The following PACS1 variants were observed in gnomAD, a reference collection of about 807,000 sequenced individuals.
The protein encoded by PACS1 is phosphofurin acidic cluster sorting protein 1, also known as PACS-1.
Under a neutral mutation model 115.0 loss-of-function variants are expected in PACS1, and 24 were observed. The observed-to-expected ratio is 0.21, with a 90% CI of 0.15 to 0.29. The LOEUF (loss-of-function observed/expected upper bound fraction) is 0.29, where lower values mean the gene tolerates loss of function less well. Ranked by LOEUF, PACS1 falls within the 10% of genes least tolerant of loss-of-function variation. PACS1 has a pLI of 1.00. For synonymous variants in PACS1, 453 were observed against 504.5 expected, an observed-to-expected ratio of 0.90 and a Z score of 1.37; for missense variants, 838 against 1,251.2, an observed-to-expected ratio of 0.67 and a Z score of 4.98.
intron 2 of PACS1, among the ~76,000 whole-genome samples, chr11:66,203,036 A>G (rs1414597548): frequency 6.6e-6 from 1 of 152,008 alleles, no homozygotes; most frequent in Non-Finnish European, 1.5e-5. Flanking sequence ...AGAAAGAAAT[A>G]AAGGCATCCA....
rs188958036 is a variant in PACS1, at chr11:66,082,363, C to A, written c.356+11521C>A. On this transcript the variant is annotated intron_variant, in intron 1 of 23. Coordinates refer to ENST00000320580, the MANE Select transcript of PACS1 (RefSeq NM_018026.4). ...CCTCAGTCTTCCAAGTAAAGGTCCA[C>A]ATCACCATACCCGGCTAATTTTTAA... Among the ~76,000 whole-genome samples, 23 of 152,178 alleles carry A rather than the reference C, an allele frequency of 1.5e-4. 1 individual carries two copies. In the East Asian group the frequency reaches 4.4e-3, roughly 29 times the overall value.
chr11:66,219,878 C>A, intron 8 of PACS1, 73 bp downstream of exon 8: 1 of 1,028,970 alleles, frequency 9.7e-7, no homozygotes, highest in Non-Finnish European at 1.5e-6. Flanking sequence ...CTGGAGTACA[C>A]TCTGTATTGC....
intron 1 of PACS1, chr11:66,100,727 A>G (rs191493423): frequency 2.2e-6 from 1 of 451,200 alleles, no homozygotes; most frequent in African/African-American, 2.0e-5. Flanking sequence ...AAGTTGGAGC[A>G]TCCAGGGGCG....
At chr11:66,093,244 T>C (rs1287829257) in intron 1 of PACS1, among the ~76,000 whole-genome samples, 1 of 152,160 alleles carries the variant, frequency 6.6e-6, no homozygotes, top group African/African-American at 2.4e-5. Flanking sequence ...CCCGTGTAAG[T>C]TGGATTCCTA....
chr11:66,118,617 TATAA>T (rs1322698400), intron 1 of PACS1, among the ~76,000 whole-genome samples: 3 of 151,292 alleles, frequency 2.0e-5, no homozygotes, highest in Non-Finnish European at 4.4e-5. Context: ...GTCTCTAAAA[TATAA>T]ATAAATAAAA....
chr11:66,096,209 CTTTTTTTTTTTTTT>C (rs66569530), intron 1 of PACS1, among the ~76,000 whole-genome samples: 106 of 119,398 alleles, frequency 8.9e-4, no homozygotes, highest in Non-Finnish European at 8.1e-4. Context: ...CTTTTTCTTT[CTTTTTTTTTTTTTT>C]TTTTTTTTTT....
At chr11:66,220,213 G>A (rs1390393587) in intron 8 of PACS1, 6 of 299,216 alleles carry the variant, frequency 2.0e-5, no homozygotes, top group Non-Finnish European at 2.5e-5. Flanking sequence ...GGGCTGCTGA[G>A]AGAGAAGCAG....
intron 1 of PACS1, among the ~76,000 whole-genome samples, chr11:66,154,094 C>A (rs1859303074): frequency 6.6e-6 from 1 of 152,158 alleles, no homozygotes; most frequent in Non-Finnish European, 1.5e-5. Flanking sequence ...GGGTCAGTAT[C>A]TTACAGAGCT....
chr11:66,205,017 T>C (rs1854901810), intron 2 of PACS1, among the ~76,000 whole-genome samples: 1 of 151,898 alleles, frequency 6.6e-6, no homozygotes, highest in Non-Finnish European at 1.5e-5. Flanking sequence ...GGAGTTTCAC[T>C]CTTGTTGCCT....
intron 1 of PACS1, among the ~76,000 whole-genome samples, chr11:66,134,816 A>C (rs1049386103): frequency 3.3e-5 from 5 of 152,080 alleles, no homozygotes; most frequent in African/African-American, 1.2e-4. Context: ...ACTCACTTTT[A>C]TTCTGTCTTG....
intron 1 of PACS1, among the ~76,000 whole-genome samples, chr11:66,151,013 G>A (rs1859222913): frequency 6.6e-6 from 1 of 152,118 alleles, no homozygotes; most frequent in East Asian, 1.9e-4. Context: ...TGGAAGACAA[G>A]CTGGAAAGTT....
intron 1 of PACS1, among the ~76,000 whole-genome samples, chr11:66,074,817 G>T (rs1047657969): frequency 6.6e-6 from 1 of 152,090 alleles, no homozygotes; most frequent in African/African-American, 2.4e-5. Context: ...AAAACGCTTG[G>T]GGGCATTTGC....
Position 66,201,661 on chromosome 11 carries a change from TG to T in PACS1, c.444+8089del, listed in dbSNP as rs201453235. Among the ~76,000 whole-genome samples, 213 of 149,288 alleles carry T rather than the reference TG, an allele frequency of 1.4e-3. 7 individuals carry two copies. The highest frequency in any genetic ancestry group is 5.5e-3 in the East Asian group (28 of 5,082). On this transcript the variant is annotated intron_variant, in intron 2 of 23. Coordinates refer to ENST00000320580, the MANE Select transcript of PACS1 (RefSeq NM_018026.4). The stretch of plus-strand genomic sequence containing the variant: ...AACAAAACAAAATGTTTTGGGTTTT[TG>T]TTTTTTTTTTTTCTGAGACGGAGTT...
intron 17 of PACS1, among the ~76,000 whole-genome samples, chr11:66,234,973 GA>G (rs1156426897): frequency 6.6e-6 from 1 of 152,218 alleles, no homozygotes; most frequent in Non-Finnish European, 1.5e-5. Context: ...GCGCAACTGA[GA>G]AGGAGGTGAT....
intron 10 of PACS1, among the ~76,000 whole-genome samples, chr11:66,226,130 C>T (rs544315022): frequency 6.6e-6 from 1 of 152,272 alleles, no homozygotes; most frequent in South Asian, 2.1e-4. Flanking sequence ...CAAGATTGCA[C>T]CACTACACCC....
chr11:66,181,828 T>C (rs1860019404), intron 1 of PACS1, among the ~76,000 whole-genome samples: 1 of 152,146 alleles, frequency 6.6e-6, no homozygotes. Flanking sequence ...CTGAGACACA[T>C]GTACTAATGG....
chr11:66,227,767 A>G (rs1855496725), intron 11 of PACS1, among the ~76,000 whole-genome samples, 183 bp downstream of exon 11: 1 of 152,222 alleles, frequency 6.6e-6, no homozygotes. Flanking sequence ...TACCTGGTGT[A>G]GACACCAGGT....
chr11:66,108,314 A>G (rs1858100137), intron 1 of PACS1, among the ~76,000 whole-genome samples: 1 of 152,106 alleles, frequency 6.6e-6, no homozygotes. Context: ...TCTTCCTTTA[A>G]TAAGGATGCC....
Position 66,233,755 on chromosome 11 carries a change from C to A in PACS1, c.1839-30C>A. 1 of 1,600,852 alleles carries A rather than the reference C, an allele frequency of 6.2e-7. No individual in the cohort carries two copies. The highest frequency in any genetic ancestry group is 1.1e-5 in the South Asian group (1 of 89,082). ...CGGGCAGGATCCTGGCACCCCTGAG[C>A]ACTGCTATGACGCTCCCCTTCCTCC... On this transcript the variant is annotated intron_variant, in intron 15 of 23. Transcript: ENST00000320580. The surrounding 1 kb of genome is among the most constrained non-coding windows in gnomAD (Gnocchi z 4.5).
Sources: gnomAD v4.1 joint callset for allele counts (sites outside exome capture counted in the v4.1 genomes callset) on GRCh38, gnomAD v4.1.1 for gene constraint, Gnocchi (gnomAD v3.1) non-coding constraint, MANE v1.5 for transcripts, NCBI Gene and HGNC (gene_info 2026-07-23, HGNC 2026-07-21) for gene names.